ARNT: variants seen among roughly 807,000 people sequenced by gnomAD.
ARNT encodes the protein class E basic helix-loop-helix protein 2.
A neutral mutation model predicts 105.0 loss-of-function variants in ARNT; 30 were observed. The ratio of observed to expected loss-of-function variants is 0.29; its 90% CI spans 0.21 to 0.39. The LOEUF (loss-of-function observed/expected upper bound fraction) is 0.39, where lower values mean the gene tolerates loss of function less well. ARNT is among the 10% of genes least tolerant of loss of function. ARNT has a pLI of 1.00. For missense variants in ARNT, 748 were observed against 978.7 expected, an observed-to-expected ratio of 0.76 and a Z score of 3.15; for synonymous variants, 304 against 344.0, an observed-to-expected ratio of 0.88 and a Z score of 1.29.
intron 1 of ARNT, among the ~76,000 whole-genome samples, chr1:150,873,094 C>T (rs1446952446): frequency 6.6e-6 from 1 of 151,834 alleles, no homozygotes; most frequent in Non-Finnish European, 1.5e-5. Flanking sequence ...ACCACCCTGG[C>T]TAACAGGGTG....
At chr1:150,852,845 T>TA in intron 2 of ARNT, 39 bp from the exon 3 acceptor site, 9 of 1,612,046 alleles carry the variant, frequency 5.6e-6, no homozygotes, top group Non-Finnish European at 7.6e-6. Flanking sequence ...AGCCTGCTGA[T>TA]AATACAAAAC....
rs763737942 is a variant in ARNT, at chr1:150,838,988, T to C, written c.486+453A>G. On this transcript the variant is annotated intron_variant, in intron 6 of 21. Coordinates refer to ENST00000358595, the MANE Select transcript of ARNT (RefSeq NM_001668.4). ...CCTTCTTTTTTTCATAGTGATCACA[T>C]GTAACAGAGCACATCCCTAAGCAAC... is the stretch of plus-strand genomic sequence containing the variant. 8.8e-4 allele frequency among the ~76,000 whole-genome samples: 134 copies of C among 152,222 alleles called. 2 individuals carry two copies. The highest frequency in any genetic ancestry group is 1.8e-4 in the Non-Finnish European group (12 of 68,044).
chr1:150,830,658 T>C (rs1245428418), intron 10 of ARNT, among the ~76,000 whole-genome samples: 2 of 152,224 alleles, frequency 1.3e-5, no homozygotes, highest in African/African-American at 4.8e-5. Context: ...GCCTAATCTG[T>C]AACTTTTAAA....
In ARNT at chr1:150,860,685, A is replaced by G. The variant is rs1175831769; in HGVS notation, c.26-2225T>C. 3.3e-5 allele frequency among the ~76,000 whole-genome samples: 5 copies of G among 151,682 alleles called. No individual in the cohort carries two copies. The East Asian group carries it at 7.8e-4, about 24-fold the overall frequency. ...AGCCTGATCAACATGGTGAAATCCC[A>G]TCTCTACTAAAAATACAACAATTAG... On this transcript the variant is annotated intron_variant, in intron 1 of 21. Transcript: ENST00000358595.
intron 2 of ARNT, among the ~76,000 whole-genome samples, chr1:150,854,632 G>A (rs1043547766): frequency 1.3e-4 from 19 of 151,848 alleles, no homozygotes; most frequent in Admixed American, 2.0e-4. Flanking sequence ...TGAGGCAGGC[G>A]GATCACTTGA....
intron 3 of ARNT, 25 bp downstream of exon 3, chr1:150,852,737 T>C (rs1663857184): frequency 6.3e-7 from 1 of 1,596,058 alleles, no homozygotes; most frequent in South Asian, 1.1e-5. Flanking sequence ...ATCAGACATC[T>C]AAGGAAAGTT....
chr1:150,871,248 C>A (rs1301548616), intron 1 of ARNT, among the ~76,000 whole-genome samples: 2 of 149,028 alleles, frequency 1.3e-5, no homozygotes, highest in African/African-American at 2.5e-5. Flanking sequence ...TGAAGATTCA[C>A]TGATGTCTAC....
At chr1:150,840,945 CTTT>C (rs777444553) in intron 5 of ARNT, among the ~76,000 whole-genome samples, 3 of 103,722 alleles carry the variant, frequency 2.9e-5, no homozygotes, top group East Asian at 2.8e-4. Flanking sequence ...CTCTCTTCTT[CTTT>C]TTTTTTTTTT....
At chr1:150,843,112 T>G (rs1661564835) in intron 4 of ARNT, among the ~76,000 whole-genome samples, 2 of 152,216 alleles carry the variant, frequency 1.3e-5, no homozygotes, top group Non-Finnish European at 2.9e-5. Context: ...TGGCATATCT[T>G]CTATTATTGA....
At chr1:150,814,370 T>C (rs1655396342) in intron 19 of ARNT, 131 bp from the exon 20 acceptor site, 3 of 881,198 alleles carry the variant, frequency 3.4e-6, no homozygotes, top group South Asian at 4.0e-5. Flanking sequence ...TTTCCTATTG[T>C]ATATTTCTTC....
chr1:150,864,751 T>G (rs1458658996), intron 1 of ARNT, among the ~76,000 whole-genome samples: 1 of 140,322 alleles, frequency 7.1e-6, no homozygotes, highest in Non-Finnish European at 1.6e-5. Flanking sequence ...ACCCTAAAAC[T>G]TAAAGTATAA....
chr1:150,833,971 T>G (rs587683334), intron 8 of ARNT, among the ~76,000 whole-genome samples: 26 of 152,012 alleles, frequency 1.7e-4, no homozygotes, highest in African/African-American at 6.3e-4. Flanking sequence ...TTTCACTCTT[T>G]TTGCCTAGGC....
rs923694995 is a variant in ARNT at position 150,853,247 on chromosome 1, C to T, written c.138-441G>A. The T allele has an allele frequency of 2.7e-5, 10 of 369,436 alleles. No homozygotes were observed. In the Admixed American group the frequency reaches 3.6e-4, roughly 13 times the overall value. The allele number at this position is 369,436 out of a possible 1,614,324, so 22.9% of individuals were successfully genotyped here. A position where few individuals can be genotyped will look rare whatever the true frequency, so the allele number is the denominator to read the frequency against. On this transcript the variant is annotated intron_variant, in intron 2 of 21. Transcript: ENST00000358595. ...AGTGAGCCAAGATCGCACCATTGCA[C>T]TCAAGCCTGGGCGACAACTGCAAGA... is the stretch of plus-strand genomic sequence containing the variant.
chr1:150,829,690 C>G (rs1658978285), intron 11 of ARNT: 1 of 598,142 alleles, frequency 1.7e-6, no homozygotes, highest in Non-Finnish European at 2.9e-6. Context: ...AAAATTAAGA[C>G]AAGGGGAAAA....
At position 150,826,650 on chromosome 1, in the gene ARNT, T is replaced by A. The variant is rs773535220; in HGVS notation, c.1168-33A>T. Reference sequence around the variant, plus strand: ...ACAGAAAGAAGAGTAAGATATATACTTTTTTTTTTTTAAGATGGAGTTTCG... The same window carrying A: ...ACAGAAAGAAGAGTAAGATATATACATTTTTTTTTTTAAGATGGAGTTTCG... On this transcript the variant is annotated intron_variant, in intron 12 of 21. Coordinates refer to ENST00000358595, the MANE Select transcript of ARNT (RefSeq NM_001668.4). 4 of 581,488 alleles carry A rather than the reference T, an allele frequency of 6.9e-6. No homozygotes were observed. The Admixed American group carries it at 1.1e-4, about 16-fold the overall frequency. 36.0% of individuals were successfully genotyped at this position (581,488 alleles called of 1,614,324 possible).
intron 5 of ARNT, 71 bp from the exon 6 acceptor site, chr1:150,839,725 T>C (rs781589941): frequency 1.8e-5 from 26 of 1,437,532 alleles, no homozygotes; most frequent in Middle Eastern, 4.7e-4. Flanking sequence ...GAGAGTGATA[T>C]GGATACCAAG....
intron 11 of ARNT, chr1:150,829,674 A>G (rs1658976463): frequency 1.7e-6 from 1 of 585,256 alleles, no homozygotes; most frequent in Non-Finnish European, 3.0e-6. Flanking sequence ...TAAGCATAGT[A>G]AAGCTAAAAT....
intron 1 of ARNT, among the ~76,000 whole-genome samples, chr1:150,869,566 G>A (rs1470058795): frequency 7.5e-5 from 11 of 146,306 alleles, no homozygotes; most frequent in Admixed American, 1.4e-4. Flanking sequence ...TTTTCCTAGA[G>A]ACAGGGGCTC....
At chr1:150,814,470 TG>T (rs976997358) in intron 19 of ARNT, among the ~76,000 whole-genome samples, 39 of 152,160 alleles carry the variant, frequency 2.6e-4, no homozygotes, top group Non-Finnish European at 4.4e-4. Context: ...TAATAAAAAT[TG>T]TAAGAATTAA....
Sources: gnomAD v4.1 joint callset for allele counts (sites outside exome capture counted in the v4.1 genomes callset) on GRCh38, gnomAD v4.1.1 for gene constraint, MANE v1.5 for transcripts, NCBI Gene and HGNC (gene_info 2026-07-23, HGNC 2026-07-21) for gene names.